BID: variants seen among roughly 807,000 people sequenced by gnomAD.
BID encodes BH3 interacting domain death agonist.
BID carries 19 observed loss-of-function variants against 17.4 expected under a neutral mutation model. That is an observed-to-expected ratio of 1.09 (90% confidence interval 0.76 to 1.60). BID has a LOEUF of 1.60. Ranked by LOEUF, BID falls within the 40% of genes most tolerant of loss-of-function variation. The pLI is 0.00. For synonymous variants in BID, 108 were observed against 102.8 expected (o/e 1.05, Z -0.31); for missense variants, 226 against 256.0 (o/e 0.88, Z 0.80).
At chr22:17,760,691 C>T (rs1249111590) in intron 1 of BID, among the ~76,000 whole-genome samples, 7 of 152,096 alleles carry the variant, frequency 4.6e-5, no homozygotes, top group East Asian at 3.9e-4. Flanking sequence ...TGGCCCGGCG[C>T]GCTGGGGTGG....
At chr22:17,756,486 T>C (rs2061590751) in intron 1 of BID, among the ~76,000 whole-genome samples, 3 of 116,144 alleles carry the variant, frequency 2.6e-5, no homozygotes, top group Middle Eastern at 4.0e-3. Flanking sequence ...TTTTCTTTCT[T>C]TCTTTCTTTC....
At chr22:17,748,780 G>A (rs1300531923) in intron 2 of BID, among the ~76,000 whole-genome samples, 5 of 152,218 alleles carry the variant, frequency 3.3e-5, no homozygotes, top group Non-Finnish European at 7.3e-5. Context: ...AGGGCGCTGC[G>A]CGGGTGACGG....
At position 17,769,992 on chromosome 22, in the gene BID, C is replaced by A. The variant is rs1311921681; in HGVS notation, c.-59+4389G>T. On this transcript the variant is annotated intron_variant, in intron 1 of 5. Coordinates refer to ENST00000622694, the MANE Select transcript of BID (RefSeq NM_001196.4). The surrounding 1 kb of genome is among the most constrained non-coding windows in gnomAD (Gnocchi z 4.8). ...GGATGGCCACCTTCCTGGACTTACC[C>A]CCAGGAGGGACACGCTGCTGCCTCC... Among the ~76,000 whole-genome samples, 2 of 152,132 alleles carry A rather than the reference C, an allele frequency of 1.3e-5. No individual in the cohort carries two copies. Among genetic ancestry groups the A allele is most frequent in the Non-Finnish European group, 2.9e-5 (2 of 68,018 alleles).
chr22:17,748,410 AGGCAGGAGAAT>A (rs1260398517), intron 2 of BID, among the ~76,000 whole-genome samples: 6 of 151,694 alleles, frequency 4.0e-5, no homozygotes, highest in Admixed American at 2.6e-4. Flanking sequence ...CGGGAGGCTG[AGGCAGGAGAAT>A]GGCCTGAACC....
At position 17,753,490 on chromosome 22, in the gene BID, C is replaced by T. The variant is rs572313556; in HGVS notation, c.-58-3316G>A. Among the ~76,000 whole-genome samples, 7 of 152,332 alleles carry T rather than the reference C, an allele frequency of 4.6e-5. No individual in the cohort carries two copies. In the South Asian group the frequency reaches 1.4e-3, roughly 32 times the overall value. ...GGAGCAGGGAGTGGCATTCCTAGGC[C>T]TGGCTGGTCAACTTTAGGTGGAGCA... On this transcript the variant is annotated intron_variant, in intron 1 of 5. Transcript: ENST00000622694.
rs1297025629 is a variant in BID at position 17,769,923 on chromosome 22, G to A, written c.-59+4458C>T. The stretch of plus-strand genomic sequence containing the variant: ...GTGCACTTGCCCGCTGGCCTCCGGT[G>A]CCCTCAGGCCTAGCCTCATTGTCAC... On this transcript the variant is annotated intron_variant, in intron 1 of 5. Coordinates refer to ENST00000622694, the MANE Select transcript of BID (RefSeq NM_001196.4). The surrounding 1 kb of genome is among the most constrained non-coding windows in gnomAD (Gnocchi z 4.8). Among the ~76,000 whole-genome samples, 1 of 152,148 alleles carries A rather than the reference G, an allele frequency of 6.6e-6. No individual in the cohort carries two copies.
intron 1 of BID, among the ~76,000 whole-genome samples, chr22:17,759,881 G>A (rs971809616): frequency 4.6e-5 from 7 of 151,948 alleles, no homozygotes; most frequent in African/African-American, 1.7e-4. Flanking sequence ...GGTGGCTCAC[G>A]CCTGTAATCC....
At chr22:17,748,199 A>G (rs2061508543) in intron 2 of BID, among the ~76,000 whole-genome samples, 1 of 114,846 alleles carries the variant, frequency 8.7e-6, no homozygotes, top group South Asian at 2.9e-4. Context: ...ACAGAGCAAA[A>G]CTGCGTCTCA....
rs1471365359 is a variant in BID at position 17,738,214 on chromosome 22, G to C, written c.379C>G (p.Leu127Val). 6.2e-7 allele frequency: 1 copy of C among 1,611,144 alleles called. No homozygotes were observed. Among genetic ancestry groups the C allele is most frequent in the Admixed American group, 1.7e-5 (1 of 60,020 alleles). Residue 127 changes from leucine to valine, a missense_variant, in exon 5 of 6, where the codon CTG becomes GTG. By Grantham distance (32) the Leu-to-Val change is conservative. Transcript: ENST00000622694. Reference sequence around the variant, plus strand: ...AGCAGCTGCTCCAGGGCAGTGGCCAGGTCCCTGTTCCGGTCCTGCACAGAG... The same window carrying C: ...AGCAGCTGCTCCAGGGCAGTGGCCACGTCCCTGTTCCGGTCCTGCACAGAG... ...SRSEEDRNRD[L>V]ATALEQLLQA...
intron 2 of BID, among the ~76,000 whole-genome samples, chr22:17,749,715 T>A (rs936942722): frequency 6.6e-6 from 1 of 152,218 alleles, no homozygotes; most frequent in Non-Finnish European, 1.5e-5. Context: ...TGCAGTGCAG[T>A]GGCACAATCA....
In BID at chr22:17,765,544, T is replaced by C. The variant is rs77233879; in HGVS notation, c.-59+8837A>G. Among the ~76,000 whole-genome samples the C allele has an allele frequency of 6.4e-3, 980 of 152,364 alleles. 8 individuals are homozygous for C. The highest frequency in any genetic ancestry group is 0.022 in the African/African-American group (929 of 41,572). Reference sequence around the variant, plus strand: ...ACTTTCAGAATAATGAACACATTTATTTGAACACAAACTTATATTTTTCAT... The same window carrying C: ...ACTTTCAGAATAATGAACACATTTACTTGAACACAAACTTATATTTTTCAT... On this transcript the variant is annotated intron_variant, in intron 1 of 5. Transcript: ENST00000622694.
chr22:17,735,777 G>T (rs1402958244), intron 5 of BID, among the ~76,000 whole-genome samples, 186 bp from the exon 6 acceptor site: 1 of 151,998 alleles, frequency 6.6e-6, no homozygotes, highest in Non-Finnish European at 1.5e-5. Context: ...AGGCCGTTCA[G>T]GCGGTGAGGT....
rs1296851759 is a variant in BID at position 17,738,006 on chromosome 22, A to G, written c.576+11T>C. ...GCAGGCAGGGAAGGAGCTGACCTCAAGGGTTCTTACATTTCTGGCTAAGCT... is the reference window on the plus strand; with the variant it reads ...GCAGGCAGGGAAGGAGCTGACCTCAGGGGTTCTTACATTTCTGGCTAAGCT... On this transcript the variant is annotated intron_variant, in intron 5 of 5. Transcript: ENST00000622694. The G allele has an allele frequency of 3.7e-6, 6 of 1,613,610 alleles. No individual in the cohort carries two copies. In the South Asian group the frequency reaches 6.6e-5, roughly 18 times the overall value.
intron 4 of BID, 34 bp from the exon 5 acceptor site, chr22:17,738,263 A>G (rs1353305136): frequency 1.3e-6 from 2 of 1,582,418 alleles, no homozygotes; most frequent in Admixed American, 1.7e-5. Context: ...CTGGTTTACT[A>G]ATACTCTTCC....
intron 1 of BID, among the ~76,000 whole-genome samples, chr22:17,766,540 C>T (rs1350300726): frequency 6.6e-6 from 1 of 152,044 alleles, no homozygotes; most frequent in Non-Finnish European, 1.5e-5. Flanking sequence ...CTCGGCCTCC[C>T]AAAGTGCTGG....
rs777994982 is a variant in BID, at chr22:17,743,889, A to G, written c.137T>C (p.Val46Ala). 6.8e-5 allele frequency: 109 copies of G among 1,613,590 alleles called. No individual in the cohort carries two copies. In the East Asian group the frequency reaches 2.4e-3, roughly 36 times the overall value. Reference sequence around the variant, plus strand: ...GTAGCCCTCCCACTGGGGAGCCAGCACTGGCAGCTCGTGGCCCAGTGCGTC... The same window carrying G: ...GTAGCCCTCCCACTGGGGAGCCAGCGCTGGCAGCTCGTGGCCCAGTGCGTC... ...ELDALGHELP[V>A]LAPQWEGYDE... Residue 46 changes from valine to alanine, a missense_variant, in exon 3 of 6, where the codon GTG becomes GCG. By Grantham distance (64) the Val-to-Ala change is moderately conservative (BLOSUM62 0). Transcript: ENST00000622694.
At chr22:17,765,898 T>A (rs1018794162) in intron 1 of BID, among the ~76,000 whole-genome samples, 4 of 152,190 alleles carry the variant, frequency 2.6e-5, no homozygotes, top group African/African-American at 9.7e-5. Flanking sequence ...TTGCCAAAGA[T>A]TTACATCAAT....
At chr22:17,768,176 G>A (rs2061692141) in intron 1 of BID, among the ~76,000 whole-genome samples, 1 of 152,250 alleles carries the variant, frequency 6.6e-6, no homozygotes, top group Admixed American at 6.5e-5. Context: ...TCTGCCTGTA[G>A]GCGGTGGTGA....
At chr22:17,760,885 T>C (rs2061633424) in intron 1 of BID, among the ~76,000 whole-genome samples, 1 of 152,220 alleles carries the variant, frequency 6.6e-6, no homozygotes, top group South Asian at 2.1e-4. Context: ...TATTTCTGAA[T>C]ATTTCATTCA....
Sources: gnomAD v4.1 joint callset for allele counts (sites outside exome capture counted in the v4.1 genomes callset) on GRCh38, gnomAD v4.1.1 for gene constraint, Gnocchi (gnomAD v3.1) non-coding constraint, MANE v1.5 for transcripts, NCBI Gene and HGNC (gene_info 2026-07-23, HGNC 2026-07-21) for gene names.